The following TMEM245 variants were observed in gnomAD, a reference collection of about 807,000 sequenced individuals.
TMEM245 encodes protein CG-2.
A neutral mutation model predicts 101.2 loss-of-function variants in TMEM245; 69 were observed. That is an observed-to-expected ratio of 0.68 (90% confidence interval 0.56 to 0.83). TMEM245 has a LOEUF of 0.83. TMEM245 is among the 40% of genes least tolerant of loss of function. The pLI is 0.00. For missense variants in TMEM245, 1,075 were observed against 1,092.8 expected (o/e 0.98, Z 0.23); for synonymous variants, 537 against 449.8 (o/e 1.19, Z -2.45).
intron 7 of TMEM245, among the ~76,000 whole-genome samples, chr9:109,083,901 CAAAAAAAAAAAAAA>C (rs751739620): frequency 3.8e-4 from 13 of 34,472 alleles, no homozygotes; most frequent in East Asian, 2.8e-3. Context: ...ACTAAAAATA[CAAAAAAAAAAAAAA>C]AAAAAAAAAA....
At chr9:109,091,188 A>G (rs374955119) in intron 4 of TMEM245, 33 bp from the exon 5 acceptor site, 3 of 1,567,132 alleles carry the variant, frequency 1.9e-6, no homozygotes, top group African/African-American at 2.7e-5. Flanking sequence ...CACACACCGC[A>G]TTAGTCCACA....
chr9:109,078,402 AAGG>A (rs1380480944), intron 8 of TMEM245, among the ~76,000 whole-genome samples: 1 of 152,214 alleles, frequency 6.6e-6, no homozygotes, highest in Non-Finnish European at 1.5e-5. Flanking sequence ...CTTCACCCCG[AAGG>A]AGCTCTGTTA....
At chr9:109,028,794 G>T (rs1215648926) in intron 17 of TMEM245, among the ~76,000 whole-genome samples, 9 of 152,076 alleles carry the variant, frequency 5.9e-5, no homozygotes, top group Admixed American at 5.9e-4. Context: ...GCAGCCTCTA[G>T]GAGCCATGAG....
At chr9:109,096,149 C>T (rs1357122371) in intron 3 of TMEM245, among the ~76,000 whole-genome samples, 1 of 152,160 alleles carries the variant, frequency 6.6e-6, no homozygotes, top group African/African-American at 2.4e-5. Flanking sequence ...AGATTCTTGG[C>T]ATATTAGAGT....
At chr9:109,076,002 C>T (rs1829487823) in intron 8 of TMEM245, among the ~76,000 whole-genome samples, 1 of 152,198 alleles carries the variant, frequency 6.6e-6, no homozygotes, top group Non-Finnish European at 1.5e-5. Context: ...GACACTGCTT[C>T]AGCTGCATCC....
intron 1 of TMEM245, among the ~76,000 whole-genome samples, chr9:109,111,869 C>T (rs1420782441): frequency 6.6e-6 from 1 of 152,134 alleles, no homozygotes; most frequent in Non-Finnish European, 1.5e-5. Context: ...TGGCAGATTT[C>T]AAGGAGTAAT....
intron 5 of TMEM245, 144 bp downstream of exon 5, chr9:109,090,777 GT>G (rs1399245832): frequency 4.3e-6 from 3 of 691,466 alleles, no homozygotes. Flanking sequence ...ACCAAATGGT[GT>G]TTGTTTACTA....
intron 14 of TMEM245, among the ~76,000 whole-genome samples, chr9:109,046,563 G>A (rs1015978486): frequency 6.6e-6 from 1 of 152,134 alleles, no homozygotes; most frequent in Non-Finnish European, 1.5e-5. Context: ...AAAGCTTCAC[G>A]AACAGACACT....
At position 109,020,366 on chromosome 9, in the gene TMEM245, G is replaced by T; in HGVS notation, c.*94C>A. 2 of 1,266,842 alleles carry T rather than the reference G, an allele frequency of 1.6e-6. No individual in the cohort carries two copies. The highest frequency in any genetic ancestry group is 1.5e-5 in the African/African-American group (1 of 68,158). The allele number at this position is 1,266,842 out of a possible 1,614,324, so 78.5% of individuals were successfully genotyped here. A position where few individuals can be genotyped will look rare whatever the true frequency, so the allele number is the denominator to read the frequency against. On this transcript the variant is annotated 3_prime_UTR_variant, in exon 18 of 18. Transcript: ENST00000374586. Reference sequence around the variant, plus strand: ...TCTGCTTCTTTCCTGGGTTTTGCTTGCTAGGCACAGCTGGAAGGGCAGAGG... The same window carrying T: ...TCTGCTTCTTTCCTGGGTTTTGCTTTCTAGGCACAGCTGGAAGGGCAGAGG...
At chr9:109,073,854 TTG>T (rs1178724125) in intron 8 of TMEM245, among the ~76,000 whole-genome samples, 1 of 135,164 alleles carries the variant, frequency 7.4e-6, no homozygotes, top group Non-Finnish European at 1.6e-5. Context: ...CTTTTTTTTT[TTG>T]TTTTTTTTTT....
chr9:109,037,715 G>A (rs750871684), intron 15 of TMEM245, among the ~76,000 whole-genome samples: 3 of 152,134 alleles, frequency 2.0e-5, no homozygotes, highest in Non-Finnish European at 4.4e-5. Flanking sequence ...CTGCAGAACC[G>A]TGAGCCAATT....
At position 109,015,755 on chromosome 9, in the gene TMEM245, GATA is replaced by G. The variant is rs1283541152; in HGVS notation, c.*4702_*4704del. On this transcript the variant is annotated 3_prime_UTR_variant, in exon 18 of 18. Coordinates refer to ENST00000374586, the MANE Select transcript of TMEM245 (RefSeq NM_032012.4). ...AGAGCCCCCCCATCTGTACAATAAG[GATA>G]ATATTGTCTGTCTCACAGGGCTGTT... The G allele has an allele frequency of 6.6e-6, 1 of 152,466 alleles. No homozygotes were observed. Among genetic ancestry groups the G allele is most frequent in the African/African-American group, 2.4e-5 (1 of 41,416 alleles). The allele number at this position is 152,466 out of a possible 1,614,324, so 9.4% of individuals were successfully genotyped here. A position where few individuals can be genotyped will look rare whatever the true frequency, so the allele number is the denominator to read the frequency against.
At chr9:109,060,044 T>C (rs1828962957) in intron 11 of TMEM245, among the ~76,000 whole-genome samples, 1 of 152,208 alleles carries the variant, frequency 6.6e-6, no homozygotes, top group Non-Finnish European at 1.5e-5. Context: ...TTAGTATAAG[T>C]ATTAGAAAAT....
chr9:109,042,400 G>C (rs1375066424), intron 14 of TMEM245: 4 of 152,190 alleles, frequency 2.6e-5, no homozygotes, highest in South Asian at 2.1e-4. Flanking sequence ...GGCTAGCCAA[G>C]TAAAGCAGTG....
chr9:109,071,718 T>C (rs1030454972), intron 9 of TMEM245, among the ~76,000 whole-genome samples: 7 of 152,184 alleles, frequency 4.6e-5, no homozygotes, highest in East Asian at 1.9e-4. Flanking sequence ...TCTCAACTTA[T>C]AAGCCTAAAA....
intron 8 of TMEM245, among the ~76,000 whole-genome samples, chr9:109,078,067 GC>G (rs1829564459): frequency 6.6e-6 from 1 of 152,032 alleles, no homozygotes; most frequent in Non-Finnish European, 1.5e-5. Flanking sequence ...GCTATTTATT[GC>G]CTGCTGTTTA....
chr9:109,033,431 T>C lies in TMEM245; in HGVS notation c.2470A>G (p.Ile824Val), dbSNP rs754648383. Residue 824 changes from isoleucine to valine, a missense_variant, in exon 17 of 18, where the codon ATC becomes GTC. Transcript: ENST00000374586. ...ATGCAGAGAAGAATAGGACCGATGA[T>C]TGCTCCTTCCAGGCCTAGGTAGTAT... ...GAYYLGLEGA[I>V]IGPILLCILV... The C allele has an allele frequency of 4.3e-6, 7 of 1,614,100 alleles. No individual in the cohort carries two copies. Among genetic ancestry groups the C allele is most frequent in the Admixed American group, 3.3e-5 (2 of 60,020 alleles).
At chr9:109,024,833 C>A (rs1430799470) in intron 17 of TMEM245, among the ~76,000 whole-genome samples, 2 of 152,222 alleles carry the variant, frequency 1.3e-5, no homozygotes, top group Non-Finnish European at 2.9e-5. Flanking sequence ...AGAAGTCTGA[C>A]AGGGCAAATT....
In TMEM245 at chr9:109,050,666, C is replaced by A. The variant is rs765950230; in HGVS notation, c.1881G>T (p.Met627Ile). Residue 627 changes from methionine (M) to isoleucine (I), a missense_variant, in exon 13 of 18, where the codon ATG becomes ATT. Coordinates refer to ENST00000374586, the MANE Select transcript of TMEM245 (RefSeq NM_032012.4). Reference sequence around the variant, plus strand: ...TGAACAGCAGGCTCACATTCCGGCTCATAACGATCCACAGAGACTCCAAGA... The same window carrying A: ...TGAACAGCAGGCTCACATTCCGGCTAATAACGATCCACAGAGACTCCAAGA... ...LSILESLWIV[M>I]SRNVSLLFTT... 6.2e-7 allele frequency: 1 copy of A among 1,612,516 alleles called. No individual in the cohort carries two copies. The highest frequency in any genetic ancestry group is 8.5e-7 in the Non-Finnish European group (1 of 1,179,790).
Sources: allele counts gnomAD v4.1 joint callset (sites outside exome capture counted in the v4.1 genomes callset), GRCh38; gene constraint gnomAD v4.1.1; transcripts MANE v1.5; gene names NCBI Gene and HGNC (gene_info 2026-07-23, HGNC 2026-07-21).